The following GLYATL1 variants were observed in gnomAD, a reference collection of about 807,000 sequenced individuals.
GLYATL1 encodes the protein glycine-N-acyltransferase like 1, also known as glycine N-acyltransferase-like protein 1.
In GLYATL1, 15 loss-of-function variants were observed where a neutral mutation model predicts 20.0. That is an observed-to-expected ratio of 0.75 (90% CI 0.50 to 1.15). The LOEUF is 1.15. GLYATL1 is among the 50% of genes most tolerant of loss of function. The pLI is 0.00. For synonymous variants in GLYATL1, 151 were observed against 131.5 expected, an observed-to-expected ratio of 1.15 and a Z score of -1.01; for missense variants, 380 against 368.5, an observed-to-expected ratio of 1.03 and a Z score of -0.26.
rs1855995989 is a variant in GLYATL1 at position 58,939,578 on chromosome 11, C to G, written c.-239C>G. 2 of 152,242 alleles carry G rather than the reference C, an allele frequency of 1.3e-5. No homozygotes were observed. The highest frequency in any genetic ancestry group is 2.9e-5 in the Non-Finnish European group (2 of 68,056). 9.4% of individuals were successfully genotyped at this position (152,242 alleles called of 1,614,324 possible). ...AGATAAGTACCCTCTGGGGCCACCA[C>G]AGCTGGCCCCAACCATGGTCCTGAT... On this transcript the variant is annotated 5_prime_UTR_variant, in exon 1 of 7. Transcript: ENST00000532726.
Position 58,916,035 on chromosome 11 carries a change from C to G in GLYATL1, n.264+10374C>G, listed in dbSNP as rs532253673. Among the ~76,000 whole-genome samples the G allele has an allele frequency of 2.6e-5, 4 of 152,294 alleles. No individual in the cohort carries two copies. The East Asian group carries it at 7.7e-4, about 29-fold the overall frequency. On this transcript the variant is annotated intron_variant and non_coding_transcript_variant, in intron 1 of 2. Coordinates refer to the GLYATL1 transcript ENST00000534674. The stretch of plus-strand genomic sequence containing the variant: ...TATTTAGTTACAGATCTTGCTATAC[C>G]TTTAGCAGAAAACCCACCACCACTA...
At chr11:58,927,070 C>T (rs997070483), upstream of GLYATL1, among the ~76,000 whole-genome samples, 1 of 152,212 alleles carries the variant, frequency 6.6e-6, no homozygotes, top group African/African-American at 2.4e-5. Flanking sequence ...AATATTTTCA[C>T]CTTTTAATTG....
intron 2 of GLYATL1, 105 bp from the exon 3 acceptor site, chr11:58,946,940 AC>A (rs1379749891): frequency 1.2e-6 from 1 of 820,820 alleles, no homozygotes. Context: ...TGAATATGAT[AC>A]TAACAGTACC....
Position 58,955,793 on chromosome 11 carries a change from T to C in GLYATL1, c.675T>C (p.Pro225=), listed in dbSNP as rs1857370964. ...GVPVSWVTMD[P]SCEVGMAYSM... ...CGGTCTCATGGGTAACCATGGACCC[T>C]TCTTGTGAAGTAGGAATGGCCTACA... Residue 225 remains proline (P), a synonymous_variant, in exon 7 of 7, where the codon CCT becomes CCC. Transcript: ENST00000532726. 3.1e-6 allele frequency: 5 copies of C among 1,614,108 alleles called. No individual in the cohort carries two copies. The highest frequency in any genetic ancestry group is 1.3e-5 in the African/African-American group (1 of 74,932).
upstream of GLYATL1, chr11:58,935,205 G>A (rs533087): frequency 0.43 from 65,662 of 152,168 alleles, 14,327 homozygotes; most frequent in Admixed American, 0.49. Context: ...AGTCCACCAG[G>A]CAAGCCTGGA....
chr11:58,923,839 G>T (rs926447867), upstream of GLYATL1, among the ~76,000 whole-genome samples: 1 of 152,206 alleles, frequency 6.6e-6, no homozygotes, highest in African/African-American at 2.4e-5. Context: ...GGCATATCTT[G>T]TCAGAGTTTT....
At chr11:58,921,983 A>G (rs1437857178) in intron 1 of GLYATL1, among the ~76,000 whole-genome samples, 2 of 152,198 alleles carry the variant, frequency 1.3e-5, no homozygotes, top group African/African-American at 2.4e-5. Flanking sequence ...TCTCATCTGC[A>G]CATAGTAGCA....
At chr11:58,940,769 G>C (rs1010853429) in intron 1 of GLYATL1, among the ~76,000 whole-genome samples, 3 of 152,078 alleles carry the variant, frequency 2.0e-5, no homozygotes, top group Non-Finnish European at 4.4e-5. Context: ...AGATAAGCCT[G>C]GGAAACAGAG....
chr11:58,905,610 G>A (rs564379582), exon 1 of GLYATL1: 13 of 456,302 alleles, frequency 2.8e-5, no homozygotes, highest in South Asian at 1.9e-4. Flanking sequence ...TGGGAGACAG[G>A]GGACGCCGAT....
Position 58,950,113 on chromosome 11 carries a change from CAAAAAAAAAAAAA to C in GLYATL1, c.186+2164_186+2176del, listed in dbSNP as rs56725794. ...TGAAACCCTGTCTCTACTAAAAATA[CAAAAAAAAAAAAA>C]AAAAAAAAAAAAAAATTAGCCGGGC... On this transcript the variant is annotated intron_variant, in intron 4 of 6. Coordinates refer to ENST00000532726, the MANE Select transcript of GLYATL1 (RefSeq NM_001389712.2). Among the ~76,000 whole-genome samples, 81 of 75,980 alleles carry C rather than the reference CAAAAAAAAAAAAA, an allele frequency of 1.1e-3. No homozygotes were observed. The Middle Eastern group carries it at 0.052, about 49-fold the overall frequency. The allele number at this position is 75,980 out of a possible 152,430, so 49.8% of individuals were successfully genotyped here. A position where few individuals can be genotyped will look rare whatever the true frequency, so the allele number is the denominator to read the frequency against.
intron 4 of GLYATL1, among the ~76,000 whole-genome samples, chr11:58,951,471 T>C (rs1286421035): frequency 6.7e-6 from 1 of 149,400 alleles, no homozygotes. Flanking sequence ...TTTTTTTACT[T>C]TCCTATTTCT....
intron 4 of GLYATL1, among the ~76,000 whole-genome samples, chr11:58,951,263 C>T (rs1185490592): frequency 6.6e-6 from 1 of 151,942 alleles, no homozygotes; most frequent in Non-Finnish European, 1.5e-5. Context: ...ATTAATCTTC[C>T]TTATGGCTGG....
intron 1 of GLYATL1, among the ~76,000 whole-genome samples, chr11:58,930,565 A>T (rs894924735): frequency 3.9e-5 from 6 of 152,244 alleles, no homozygotes; most frequent in African/African-American, 1.4e-4. Context: ...TGATATTTAC[A>T]AAACATTGGA....
At chr11:58,914,256 A>G (rs1400918965) in intron 1 of GLYATL1, among the ~76,000 whole-genome samples, 2 of 152,200 alleles carry the variant, frequency 1.3e-5, no homozygotes, top group Non-Finnish European at 1.5e-5. Context: ...CTGTTGTGGC[A>G]TCCATGACAC....
In GLYATL1 at chr11:58,913,763, A is replaced by G. The variant is rs533250198; in HGVS notation, n.264+8102A>G. ...CATAGTTGGCTTCTCTGATAAGGTG[A>G]TATCTGAGACCTCAAAGGAGTGAGC... is the stretch of plus-strand genomic sequence containing the variant. On this transcript the variant is annotated intron_variant and non_coding_transcript_variant, in intron 1 of 2. Transcript: ENST00000534674. Among the ~76,000 whole-genome samples, 4 of 152,336 alleles carry G rather than the reference A, an allele frequency of 2.6e-5. No individual in the cohort carries two copies. The South Asian group carries it at 8.3e-4, about 32-fold the overall frequency.
upstream of GLYATL1, among the ~76,000 whole-genome samples, chr11:58,936,191 GT>G (rs1855828212): frequency 6.6e-6 from 1 of 152,244 alleles, no homozygotes; most frequent in South Asian, 2.1e-4. Context: ...CCAGGCTAGA[GT>G]GAGAGAAAGT....
chr11:58,950,591 A>G (rs989019194), intron 4 of GLYATL1, among the ~76,000 whole-genome samples: 5 of 152,204 alleles, frequency 3.3e-5, no homozygotes, highest in Admixed American at 3.3e-4. Flanking sequence ...CTGATTTCCA[A>G]AAGGAATATC....
At position 58,955,936 on chromosome 11, in the gene GLYATL1, C is replaced by A. The variant is rs762979843; in HGVS notation, c.818C>A (p.Ser273Tyr). Residue 273 changes from serine to tyrosine, a missense_variant, in exon 7 of 7, where the codon TCC becomes TAC. Transcript: ENST00000532726. ...YISVLEENEDSRRFVGQFGFF... is the reference protein window; with the variant it reads ...YISVLEENEDYRRFVGQFGFF... ...TCTGTGTTGGAAGAAAATGAAGACT[C>A]CCGCAGATTTGTGGGGCAGTTTGGT... 6.2e-7 allele frequency: 1 copy of A among 1,614,182 alleles called. No individual in the cohort carries two copies. Among genetic ancestry groups the A allele is most frequent in the South Asian group, 1.1e-5 (1 of 91,092 alleles).
upstream of GLYATL1, among the ~76,000 whole-genome samples, chr11:58,927,441 T>A (rs544683384): frequency 6.6e-6 from 1 of 152,242 alleles, no homozygotes. Context: ...TTTGCACTTG[T>A]AAAAGCGCTG....
Sources: gnomAD v4.1 joint callset for allele counts (sites outside exome capture counted in the v4.1 genomes callset) on GRCh38, gnomAD v4.1.1 for gene constraint, MANE v1.5 for transcripts, NCBI Gene and HGNC (gene_info 2026-07-23, HGNC 2026-07-21) for gene names.